RNF43: variants seen among roughly 807,000 people sequenced by gnomAD.
The protein encoded by RNF43 is ring finger protein 43.
In RNF43, 37 loss-of-function variants were observed where a neutral mutation model predicts 78.4. The ratio of observed to expected loss-of-function variants is 0.47; its 90% CI spans 0.36 to 0.62. The LOEUF (loss-of-function observed/expected upper bound fraction) is 0.62. Ranked by LOEUF, RNF43 falls within the 20% of genes least tolerant of loss-of-function variation. RNF43 has a pLI of 0.00. For synonymous variants in RNF43, 347 were observed against 395.0 expected, an observed-to-expected ratio of 0.88 and a Z score of 1.44; for missense variants, 774 against 1,007.9, an observed-to-expected ratio of 0.77 and a Z score of 3.14.
intron 2 of RNF43, among the ~76,000 whole-genome samples, chr17:58,414,793 C>G (rs1049571051): frequency 6.4e-4 from 98 of 152,278 alleles, no homozygotes; most frequent in African/African-American, 2.1e-3. Flanking sequence ...CCAGTCCTCT[C>G]CATTTTGGGG....
At chr17:58,362,769 T>TCAGATG in intron 5 of RNF43, 121 bp from the exon 6 acceptor site, 1 of 684,414 alleles carries the variant, frequency 1.5e-6, no homozygotes, top group Non-Finnish European at 2.4e-6. Flanking sequence ...GTCCTCCATC[T>TCAGATG]GAGGGGATGG....
At chr17:58,405,357 G>A (rs1311393636) in intron 2 of RNF43, among the ~76,000 whole-genome samples, 4 of 152,012 alleles carry the variant, frequency 2.6e-5, no homozygotes, top group Non-Finnish European at 5.9e-5. Context: ...GATTACAGGC[G>A]TGAGCCACCG....
At chr17:58,362,356 T>C (rs1451733159) in intron 6 of RNF43, among the ~76,000 whole-genome samples, 188 bp downstream of exon 6, 2 of 152,156 alleles carry the variant, frequency 1.3e-5, no homozygotes, top group Non-Finnish European at 2.9e-5. Context: ...GCTTGGTGTA[T>C]TTGTTGAATG....
chr17:58,385,980 C>T (rs1238035753), intron 2 of RNF43, among the ~76,000 whole-genome samples: 1 of 152,146 alleles, frequency 6.6e-6, no homozygotes, highest in Admixed American at 6.5e-5. Context: ...CACACTAGCA[C>T]ATGTCTGTAA....
At chr17:58,387,811 C>G (rs907782290) in intron 2 of RNF43, among the ~76,000 whole-genome samples, 2 of 152,194 alleles carry the variant, frequency 1.3e-5, no homozygotes, top group African/African-American at 4.8e-5. Flanking sequence ...AACTATCTTA[C>G]TCTGGCTTTC....
At chr17:58,364,841 G>T (rs748267324) in intron 3 of RNF43, among the ~76,000 whole-genome samples, 4 of 152,224 alleles carry the variant, frequency 2.6e-5, no homozygotes, top group Non-Finnish European at 5.9e-5. Context: ...GGGAGAGCCT[G>T]TCAGGGCAGG....
chr17:58,379,330 C>T (rs774933668), intron 2 of RNF43, among the ~76,000 whole-genome samples: 3 of 152,306 alleles, frequency 2.0e-5, no homozygotes, highest in Middle Eastern at 3.4e-3. Flanking sequence ...TCCTTCCTCT[C>T]CTCTACGGTT....
intron 3 of RNF43, among the ~76,000 whole-genome samples, chr17:58,367,163 G>A (rs999259913): frequency 2.0e-5 from 3 of 151,992 alleles, no homozygotes; most frequent in Admixed American, 1.3e-4. Context: ...ACCACGCCTG[G>A]CTAATTTTTG....
intron 2 of RNF43, among the ~76,000 whole-genome samples, chr17:58,403,618 CG>C: frequency 6.6e-6 from 1 of 151,892 alleles, no homozygotes; most frequent in Non-Finnish European, 1.5e-5. Flanking sequence ...TTTTTGCCAG[CG>C]GAAGTTTTCC....
At chr17:58,373,599 T>G (rs1448000289) in intron 2 of RNF43, among the ~76,000 whole-genome samples, 1 of 152,224 alleles carries the variant, frequency 6.6e-6, no homozygotes. Flanking sequence ...AGGCATGCAA[T>G]GTGTAATAAT....
At chr17:58,409,881 A>G (rs2143675924) in intron 2 of RNF43, among the ~76,000 whole-genome samples, 1 of 152,274 alleles carries the variant, frequency 6.6e-6, no homozygotes, top group East Asian at 1.9e-4. Flanking sequence ...ACAAGACCCT[A>G]TCTCAAAATA....
intron 2 of RNF43, among the ~76,000 whole-genome samples, chr17:58,392,668 T>C (rs562410633): frequency 6.6e-6 from 1 of 152,230 alleles, no homozygotes; most frequent in East Asian, 1.9e-4. Context: ...GAGGACAGCA[T>C]ATAACTTAGC....
intron 2 of RNF43, among the ~76,000 whole-genome samples, chr17:58,371,452 A>G (rs1973095094): frequency 6.6e-6 from 1 of 152,230 alleles, no homozygotes; most frequent in African/African-American, 2.4e-5. Context: ...GTGTGCCTGC[A>G]TCAGTGCTTT....
chr17:58,362,725 CG>C (rs1450104369), intron 5 of RNF43, 77 bp from the exon 6 acceptor site: 1 of 1,145,402 alleles, frequency 8.7e-7, no homozygotes, highest in East Asian at 2.6e-5. Flanking sequence ...CACAGGAGCC[CG>C]GGAGGCACAT....
At chr17:58,382,170 C>T (rs1973334416) in intron 2 of RNF43, among the ~76,000 whole-genome samples, 1 of 152,172 alleles carries the variant, frequency 6.6e-6, no homozygotes, top group South Asian at 2.1e-4. Context: ...ACTCTCTTAC[C>T]TATTTCCTCC....
intron 2 of RNF43, among the ~76,000 whole-genome samples, chr17:58,373,414 G>A (rs1973142834): frequency 6.6e-6 from 1 of 152,284 alleles, no homozygotes; most frequent in South Asian, 2.1e-4. Context: ...TAACAACTAT[G>A]GAAGAAGGAA....
intron 2 of RNF43, among the ~76,000 whole-genome samples, chr17:58,372,567 A>G (rs1228326747): frequency 1.3e-5 from 2 of 152,222 alleles, no homozygotes. Flanking sequence ...CCAGCACGGA[A>G]GGCCCCCTTG....
At chr17:58,401,807 C>T (rs567656842) in intron 2 of RNF43, among the ~76,000 whole-genome samples, 65 of 132,596 alleles carry the variant, frequency 4.9e-4, no homozygotes, top group Non-Finnish European at 9.2e-4. Flanking sequence ...TGAATTTTAT[C>T]CATATATTCC....
intron 9 of RNF43, among the ~76,000 whole-genome samples, chr17:58,355,334 A>C (rs1303685446): frequency 6.6e-6 from 1 of 152,220 alleles, no homozygotes; most frequent in African/African-American, 2.4e-5. Context: ...TTGGAGAGAA[A>C]GTATGAAAAC....
Sources: gnomAD v4.1 joint callset for allele counts (sites outside exome capture counted in the v4.1 genomes callset) on GRCh38, gnomAD v4.1.1 for gene constraint, MANE v1.5 for transcripts, NCBI Gene and HGNC (gene_info 2026-07-23, HGNC 2026-07-21) for gene names.